Variants in MAPK4 observed in about 807,000 individuals in gnomAD.
MAPK4 encodes Erk3-related.
Under a neutral mutation model 47.7 loss-of-function variants are expected in MAPK4, and 22 were observed. The observed-to-expected ratio is 0.46, with a 90% confidence interval of 0.33 to 0.66. MAPK4 has a LOEUF of 0.66. MAPK4 is among the 30% of genes least tolerant of loss of function. The probability of loss-of-function intolerance (pLI) is 0.02; values close to 1 mark genes in which losing one functional copy is unlikely to be tolerated. For synonymous variants in MAPK4, 390 were observed against 365.7 expected, an observed-to-expected ratio of 1.07 and a Z score of -0.76; for missense variants, 736 against 831.7, an observed-to-expected ratio of 0.88 and a Z score of 1.42.
At chr18:50,588,403 G>C (rs2149366090) in intron 1 of MAPK4, among the ~76,000 whole-genome samples, 1 of 152,282 alleles carries the variant, frequency 6.6e-6, no homozygotes, top group Admixed American at 6.5e-5. Flanking sequence ...ATAGAGACTG[G>C]CTTCACAGGG....
At chr18:50,564,008 G>C (rs942950364) in intron 1 of MAPK4, among the ~76,000 whole-genome samples, 3 of 152,180 alleles carry the variant, frequency 2.0e-5, no homozygotes, top group Non-Finnish European at 4.4e-5. Context: ...TAATTGGGGA[G>C]GCAAAGTGAC....
At chr18:50,618,367 A>G (rs1313532521) in intron 1 of MAPK4, among the ~76,000 whole-genome samples, 1 of 152,218 alleles carries the variant, frequency 6.6e-6, no homozygotes, top group African/African-American at 2.4e-5. Context: ...TTGCTTGTAA[A>G]GCTCTACTTG....
At chr18:50,578,993 G>A (rs2042320944) in intron 1 of MAPK4, among the ~76,000 whole-genome samples, 2 of 152,206 alleles carry the variant, frequency 1.3e-5, no homozygotes, top group South Asian at 2.1e-4. Context: ...CTCGCATGGA[G>A]AACCATACAT....
chr18:50,679,105 T>G (rs1454931280), intron 2 of MAPK4, among the ~76,000 whole-genome samples: 3 of 152,210 alleles, frequency 2.0e-5, no homozygotes, highest in Non-Finnish European at 4.4e-5. Flanking sequence ...GGAGTCTGAG[T>G]TCCCCATGAA....
At chr18:50,643,935 G>A (rs546327293) in intron 1 of MAPK4, among the ~76,000 whole-genome samples, 1 of 151,684 alleles carries the variant, frequency 6.6e-6, no homozygotes, top group Non-Finnish European at 1.5e-5. Flanking sequence ...GACTGTTCCC[G>A]TCCTGTTCTC....
intron 1 of MAPK4, among the ~76,000 whole-genome samples, chr18:50,613,973 C>T (rs1270449193): frequency 6.6e-6 from 1 of 152,106 alleles, no homozygotes; most frequent in Non-Finnish European, 1.5e-5. Flanking sequence ...TTATAAATTG[C>T]TGTTTAATAT....
chr18:50,706,393 C>T (rs1295052567), intron 2 of MAPK4, among the ~76,000 whole-genome samples: 2 of 151,708 alleles, frequency 1.3e-5, no homozygotes, highest in Non-Finnish European at 2.9e-5. Flanking sequence ...GCCTGGTTCC[C>T]ACCCCCCCGC....
chr18:50,654,740 C>T (rs1458389876), intron 1 of MAPK4, among the ~76,000 whole-genome samples: 5 of 152,182 alleles, frequency 3.3e-5, no homozygotes, highest in East Asian at 3.9e-4. Flanking sequence ...GTGCTATGCC[C>T]GTGGCCACCG....
At chr18:50,636,253 G>A (rs940718475) in intron 1 of MAPK4, among the ~76,000 whole-genome samples, 6 of 152,164 alleles carry the variant, frequency 3.9e-5, no homozygotes, top group African/African-American at 1.4e-4. Flanking sequence ...TCACTTCCTT[G>A]TAAGTTCTTA....
chr18:50,633,505 T>C (rs1394101458), intron 1 of MAPK4, among the ~76,000 whole-genome samples: 3 of 152,160 alleles, frequency 2.0e-5, no homozygotes, highest in African/African-American at 4.8e-5. Context: ...AGTGCCTGCA[T>C]CCCTAGCATA....
At chr18:50,659,117 G>A (rs2043142193) in intron 1 of MAPK4, among the ~76,000 whole-genome samples, 1 of 152,228 alleles carries the variant, frequency 6.6e-6, no homozygotes, top group South Asian at 2.1e-4. Context: ...GAGGCTGTAT[G>A]TCCTACAAAC....
intron 1 of MAPK4, among the ~76,000 whole-genome samples, chr18:50,593,027 C>T (rs2042451787): frequency 1.3e-5 from 2 of 152,132 alleles, no homozygotes; most frequent in East Asian, 3.9e-4. Flanking sequence ...CCCTATTTTA[C>T]AGATGAAAAA....
intron 2 of MAPK4, among the ~76,000 whole-genome samples, chr18:50,701,840 A>T (rs1167573163): frequency 6.6e-6 from 1 of 152,216 alleles, no homozygotes; most frequent in Non-Finnish European, 1.5e-5. Flanking sequence ...GAAAACTTAT[A>T]AGGTAAAAGA....
At chr18:50,690,566 T>C (rs754608146) in intron 2 of MAPK4, among the ~76,000 whole-genome samples, 2 of 152,182 alleles carry the variant, frequency 1.3e-5, no homozygotes, top group African/African-American at 2.4e-5. Context: ...TTAACACTAA[T>C]ATGAGAAGTC....
intron 1 of MAPK4, among the ~76,000 whole-genome samples, chr18:50,608,184 G>A (rs1308948456): frequency 6.6e-6 from 1 of 152,144 alleles, no homozygotes; most frequent in Admixed American, 6.5e-5. Flanking sequence ...GGTGGATAAT[G>A]TTTACTCATT....
intron 1 of MAPK4, among the ~76,000 whole-genome samples, chr18:50,586,699 AT>A (rs1598799444): frequency 2.0e-5 from 3 of 152,256 alleles, no homozygotes; most frequent in East Asian, 3.9e-4. Flanking sequence ...TTTTATGGAT[AT>A]ATTTGTTTTC....
At chr18:50,615,273 G>C (rs969886013) in intron 1 of MAPK4, among the ~76,000 whole-genome samples, 6 of 152,134 alleles carry the variant, frequency 3.9e-5, no homozygotes, top group African/African-American at 1.4e-4. Context: ...AGTTGTGGTG[G>C]AAGCTGCAGC....
chr18:50,566,501 G>A (rs1484647856), intron 1 of MAPK4, among the ~76,000 whole-genome samples: 1 of 152,198 alleles, frequency 6.6e-6, no homozygotes, highest in African/African-American at 2.4e-5. Context: ...CTGGGATACC[G>A]TTCTTCTGTC....
At chr18:50,627,780 T>C (rs899692315) in intron 1 of MAPK4, among the ~76,000 whole-genome samples, 1 of 152,014 alleles carries the variant, frequency 6.6e-6, no homozygotes, top group African/African-American at 2.4e-5. Flanking sequence ...TGCCTGTGAG[T>C]TTGGATGGTG....
Sources: gnomAD v4.1 joint callset for allele counts (sites outside exome capture counted in the v4.1 genomes callset) on GRCh38, gnomAD v4.1.1 for gene constraint, MANE v1.5 for transcripts, NCBI Gene and HGNC (gene_info 2026-07-23, HGNC 2026-07-21) for gene names.